KDM4C: variants seen among roughly 807,000 people sequenced by gnomAD.
KDM4C encodes lysine demethylase 4C, also known as lysine-specific demethylase 4C.
Under a neutral mutation model 129.3 loss-of-function variants are expected in KDM4C, and 81 were observed. That is an observed-to-expected ratio of 0.63 (90% CI 0.52 to 0.75). The LOEUF (loss-of-function observed/expected upper bound fraction) is 0.75. KDM4C is among the 30% of genes least tolerant of loss of function. The pLI is 0.00. For synonymous variants in KDM4C, 573 were observed against 456.1 expected (o/e 1.26, Z -3.26); for missense variants, 1,457 against 1,304.0 (o/e 1.12, Z -1.81).
chr9:7,090,156 T>C (rs1415736670), intron 17 of KDM4C, among the ~76,000 whole-genome samples: 1 of 152,228 alleles, frequency 6.6e-6, no homozygotes, highest in African/African-American at 2.4e-5. Context: ...GAAAATTTGA[T>C]AGATGCACTT....
At chr9:6,933,890 C>G (rs1353541292) in intron 8 of KDM4C, among the ~76,000 whole-genome samples, 1 of 139,712 alleles carries the variant, frequency 7.2e-6, no homozygotes, top group East Asian at 2.0e-4. Flanking sequence ...CACTTTGTCA[C>G]CCAGGCTGAA....
At chr9:6,793,627 C>T (rs1332038619) in intron 2 of KDM4C, among the ~76,000 whole-genome samples, 2 of 151,360 alleles carry the variant, frequency 1.3e-5, no homozygotes, top group Non-Finnish European at 2.9e-5. Context: ...GCAATCTCCA[C>T]CTCCCGGGTT....
intron 1 of KDM4C, among the ~76,000 whole-genome samples, chr9:6,752,110 G>A (rs1327978992): frequency 6.7e-6 from 1 of 150,324 alleles, no homozygotes; most frequent in Non-Finnish European, 1.5e-5. Context: ...GAGACGGGCG[G>A]ATCACGAGGT....
chr9:6,861,231 A>G (rs1840865064), intron 5 of KDM4C, among the ~76,000 whole-genome samples: 1 of 152,102 alleles, frequency 6.6e-6, no homozygotes, highest in African/African-American at 2.4e-5. Context: ...CTCTTCATTA[A>G]TTTGTGTATT....
At chr9:6,842,019 G>C (rs1160613097) in intron 4 of KDM4C, among the ~76,000 whole-genome samples, 3 of 152,192 alleles carry the variant, frequency 2.0e-5, no homozygotes, top group Non-Finnish European at 4.4e-5. Flanking sequence ...GGAACAGAGA[G>C]ATAAAACATG....
At chr9:6,759,195 T>G (rs1818897789) in intron 1 of KDM4C, among the ~76,000 whole-genome samples, 1 of 152,202 alleles carries the variant, frequency 6.6e-6, no homozygotes, top group Non-Finnish European at 1.5e-5. Context: ...TTTATCCTGG[T>G]GAAAGTTACT....
In KDM4C at chr9:7,162,886, C is replaced by T. The variant is rs943553314; in HGVS notation, c.2782-2352C>T. Among the ~76,000 whole-genome samples the T allele has an allele frequency of 3.9e-5, 6 of 152,138 alleles. No individual in the cohort carries two copies. In the Middle Eastern group the frequency reaches 0.014, roughly 345 times the overall value. On this transcript the variant is annotated intron_variant, in intron 19 of 21. Transcript: ENST00000381309. ...GGACCCAATAAATAGCATGTCTCGCCCTGCCTGAGGAAAAGCGAGACAAAG... is the reference window on the plus strand; with the variant it reads ...GGACCCAATAAATAGCATGTCTCGCTCTGCCTGAGGAAAAGCGAGACAAAG...
At chr9:6,930,738 A>G (rs1823569260) in intron 8 of KDM4C, among the ~76,000 whole-genome samples, 1 of 138,964 alleles carries the variant, frequency 7.2e-6, no homozygotes, top group African/African-American at 2.5e-5. Flanking sequence ...TAATAATTAT[A>G]TTATTATGTA....
intron 12 of KDM4C, among the ~76,000 whole-genome samples, chr9:6,995,333 A>ACACAGACACACAGG (rs1362004526): frequency 2.0e-5 from 3 of 152,036 alleles, no homozygotes; most frequent in Non-Finnish European, 4.4e-5. Flanking sequence ...GTATGGACAC[A>ACACAGACACACAGG]CACAGACACA....
At chr9:7,092,689 C>G (rs922924588) in intron 17 of KDM4C, among the ~76,000 whole-genome samples, 2 of 152,062 alleles carry the variant, frequency 1.3e-5, no homozygotes, top group Non-Finnish European at 2.9e-5. Context: ...TGCAGGAATT[C>G]CAGGATGGAC....
chr9:6,790,861 G>C (rs1826443297), intron 1 of KDM4C, among the ~76,000 whole-genome samples: 1 of 151,992 alleles, frequency 6.6e-6, no homozygotes, highest in Non-Finnish European at 1.5e-5. Flanking sequence ...GTTTGCTGAA[G>C]GAATCATCCT....
chr9:6,893,017 T>C lies in KDM4C; in HGVS notation c.784-78T>C, dbSNP rs530249404. 471 of 1,138,676 alleles carry C rather than the reference T, an allele frequency of 4.1e-4. No individual in the cohort carries two copies. In the African/African-American group the frequency reaches 7.0e-3, roughly 17 times the overall value. The allele number at this position is 1,138,676 out of a possible 1,614,324, so 70.5% of individuals were successfully genotyped here. ...AAGACTTTTTTTCTTTGTTTTTTAA[T>C]GGGAAATATATTTTAATTGTATTCA... On this transcript the variant is annotated intron_variant, in intron 7 of 21. Coordinates refer to ENST00000381309, the MANE Select transcript of KDM4C (RefSeq NM_015061.6).
chr9:6,942,086 G>C (rs528595609), intron 8 of KDM4C, among the ~76,000 whole-genome samples: 56 of 152,176 alleles, frequency 3.7e-4, no homozygotes, highest in Non-Finnish European at 6.3e-4. Context: ...GTTATTGGTA[G>C]AGCGTATACT....
At position 7,122,442 on chromosome 9, in the gene KDM4C, A is replaced by G. The variant is rs182591927; in HGVS notation, c.2611-5624A>G. On this transcript the variant is annotated intron_variant, in intron 18 of 21. Coordinates refer to ENST00000381309, the MANE Select transcript of KDM4C (RefSeq NM_015061.6). ...CAACATGAGCTTTGGGTGGGGACAC[A>G]GAGCCAAACCATATCACCTGTCATG... Among the ~76,000 whole-genome samples the G allele has an allele frequency of 2.5e-3, 377 of 152,312 alleles. 3 individuals carry two copies. The highest frequency in any genetic ancestry group is 7.3e-3 in the Admixed American group (111 of 15,292).
At chr9:7,054,160 G>A (rs1830566829) in intron 17 of KDM4C, among the ~76,000 whole-genome samples, 1 of 152,202 alleles carries the variant, frequency 6.6e-6, no homozygotes, top group Non-Finnish European at 1.5e-5. Flanking sequence ...TTGGCACTTT[G>A]TAGGATAATA....
At chr9:6,945,702 T>C (rs977315707) in intron 8 of KDM4C, among the ~76,000 whole-genome samples, 14 of 152,180 alleles carry the variant, frequency 9.2e-5, no homozygotes, top group African/African-American at 1.7e-4. Flanking sequence ...TTACTACATA[T>C]AGACAATAGT....
At chr9:6,749,528 C>T (rs1817999506) in intron 1 of KDM4C, among the ~76,000 whole-genome samples, 1 of 152,004 alleles carries the variant, frequency 6.6e-6, no homozygotes, top group Admixed American at 6.6e-5. Flanking sequence ...ATTAACCAGA[C>T]ATGGTGGTGC....
At chr9:6,878,795 CCCCACACCCACA>C (rs372211631) in intron 5 of KDM4C, among the ~76,000 whole-genome samples, 5,680 of 151,368 alleles carry the variant, frequency 0.038, 200 homozygotes, top group African/African-American at 0.082. Context: ...AGGGACATAC[CCCCACACCCACA>C]CCCACACCCA....
At chr9:6,756,640 C>T (rs114749896), upstream of KDM4C, among the ~76,000 whole-genome samples, 1,136 of 152,282 alleles carry the variant, frequency 7.5e-3, 15 homozygotes, top group African/African-American at 0.026. Context: ...TCTCTCGAAC[C>T]CGTGAGGCGG....
Sources: allele counts gnomAD v4.1 joint callset (sites outside exome capture counted in the v4.1 genomes callset), GRCh38; gene constraint gnomAD v4.1.1; transcripts MANE v1.5; gene names NCBI Gene and HGNC (gene_info 2026-07-23, HGNC 2026-07-21).